The following CBFA2T3 variants were observed in gnomAD, a reference collection of about 807,000 sequenced individuals.
The protein encoded by CBFA2T3 is CBFA2/RUNX1 partner transcriptional co-repressor 3.
A neutral mutation model predicts 58.6 loss-of-function variants in CBFA2T3; 31 were observed. That is an observed-to-expected ratio of 0.53 (90% CI 0.40 to 0.71). The LOEUF is 0.71. Among genes scored for constraint, CBFA2T3 ranks in the 30% least tolerant of loss-of-function variants. The pLI is 0.00. For synonymous variants in CBFA2T3, 531 were observed against 421.9 expected (o/e 1.26, Z -3.17); for missense variants, 1,076 against 963.1 (o/e 1.12, Z -1.55).
rs148279575 is a variant in CBFA2T3 at position 88,901,550 on chromosome 16, G to T, written c.258C>A (p.Ala86=). Residue 86 remains alanine, a synonymous_variant, in exon 2 of 12, where the codon GCC becomes GCA. Coordinates refer to ENST00000268679, the MANE Select transcript of CBFA2T3 (RefSeq NM_005187.6). The part of the protein sequence containing the change: ...TPPSMPPPPP[A]ASQGATRPPS... ...GGGGGCGTGTGGCCCCCTGGGATGCGGCAGGCGGTGGGGGCGGCATGCTGG... is the reference window on the plus strand; with the variant it reads ...GGGGGCGTGTGGCCCCCTGGGATGCTGCAGGCGGTGGGGGCGGCATGCTGG... 2.0e-6 allele frequency: 3 copies of T among 1,472,828 alleles called. No homozygotes were observed. The South Asian group carries it at 4.2e-5, about 21-fold the overall frequency. The allele number at this position is 1,472,828 out of a possible 1,614,324, so 91.2% of individuals were successfully genotyped here. A position where few individuals can be genotyped will look rare whatever the true frequency, so the allele number is the denominator to read the frequency against.
chr16:88,912,802 G>A (rs1236797964), intron 1 of CBFA2T3, among the ~76,000 whole-genome samples: 1 of 152,210 alleles, frequency 6.6e-6, no homozygotes, highest in African/African-American at 2.4e-5. Context: ...ACAGAGCCTG[G>A]GCTGGGCTTG....
Position 88,876,937 on chromosome 16 carries a change from G to C in CBFA2T3, c.*39C>G. 2 of 1,368,558 alleles carry C rather than the reference G, an allele frequency of 1.5e-6. No homozygotes were observed. The highest frequency in any genetic ancestry group is 1.9e-6 in the Non-Finnish European group (2 of 1,056,022). 84.8% of individuals were successfully genotyped at this position (1,368,558 alleles called of 1,614,324 possible). ...GGTGGGCCTGGAGCTGGGTGGGGTT[G>C]GCACGGTGCTGTGTCCGGCAGGCCA... On this transcript the variant is annotated 3_prime_UTR_variant, in exon 12 of 12. Coordinates refer to ENST00000268679, the MANE Select transcript of CBFA2T3 (RefSeq NM_005187.6).
chr16:88,890,082 C>T (rs1969565918), intron 5 of CBFA2T3, among the ~76,000 whole-genome samples: 1 of 150,230 alleles, frequency 6.7e-6, no homozygotes, highest in Admixed American at 6.6e-5. Flanking sequence ...CCCCGCGATT[C>T]CTCCTCCTCC....
intron 1 of CBFA2T3, chr16:88,937,717 C>T (rs140262546): frequency 1.3e-5 from 2 of 152,408 alleles, no homozygotes; most frequent in South Asian, 4.1e-4. Context: ...GGGTGCCTCT[C>T]ACTGCATGTG....
rs1345187935 is a variant in CBFA2T3, at chr16:88,881,604, CCCG to C, written c.1204-118_1204-116del. 5 of 1,061,356 alleles carry C rather than the reference CCCG, an allele frequency of 4.7e-6. No homozygotes were observed. In the African/African-American group the frequency reaches 7.9e-5, roughly 17 times the overall value. 65.7% of individuals were successfully genotyped at this position (1,061,356 alleles called of 1,614,324 possible). On this transcript the variant is annotated intron_variant, in intron 8 of 11. Transcript: ENST00000268679. ...GGATGGGTGCCCGACCAGCCCACCG[CCCG>C]TGAGAGTAAGGGGGTGAGGGAGGGC...
Position 88,892,494 on chromosome 16 carries a change from G to A in CBFA2T3, c.380-9C>T, listed in dbSNP as rs201277522. On this transcript the variant is annotated splice_polypyrimidine_tract_variant and intron_variant, in intron 3 of 11. Transcript: ENST00000268679. ...GCTGCTGCCGTTCATCACTGCAGGAGGGAAGCGGACATGAGGACACAAAGG... is the reference window on the plus strand; with the variant it reads ...GCTGCTGCCGTTCATCACTGCAGGAAGGAAGCGGACATGAGGACACAAAGG... The A allele has an allele frequency of 1.4e-4, 231 of 1,611,108 alleles. No homozygotes were observed. Among genetic ancestry groups the A allele is most frequent in the Middle Eastern group, 6.6e-4 (4 of 6,062 alleles).
At chr16:88,924,273 C>T (rs770817954) in intron 1 of CBFA2T3, among the ~76,000 whole-genome samples, 4 of 152,236 alleles carry the variant, frequency 2.6e-5, no homozygotes, top group African/African-American at 4.8e-5. Context: ...GGAGCTGCAA[C>T]GGCTGTGCTG....
At chr16:88,886,189 G>C in intron 5 of CBFA2T3, 47 bp from the exon 6 acceptor site, 1 of 1,386,130 alleles carries the variant, frequency 7.2e-7, no homozygotes, top group Non-Finnish European at 9.5e-7. Flanking sequence ...GGGGTGCACA[G>C]CCCTGCTCAG....
chr16:88,935,714 G>A (rs951198977), intron 1 of CBFA2T3, among the ~76,000 whole-genome samples: 1 of 152,202 alleles, frequency 6.6e-6, no homozygotes, highest in Non-Finnish European at 1.5e-5. Context: ...AGAGAAGGGG[G>A]CCTGGGTGCA....
At chr16:88,951,392 C>A (rs145054118) in intron 1 of CBFA2T3, 1 of 451,850 alleles carries the variant, frequency 2.2e-6, no homozygotes, top group Non-Finnish European at 4.5e-6. Flanking sequence ...TCATACAATT[C>A]TTTGAGAGGT....
At chr16:88,946,365 A>G (rs185580794) in intron 1 of CBFA2T3, among the ~76,000 whole-genome samples, 24 of 152,344 alleles carry the variant, frequency 1.6e-4, no homozygotes, top group Admixed American at 1.1e-3. Flanking sequence ...AAAAGGCTAT[A>G]TACTGTCTGA....
intron 1 of CBFA2T3, among the ~76,000 whole-genome samples, chr16:88,934,726 G>A (rs973160673): frequency 5.3e-5 from 8 of 152,198 alleles, no homozygotes; most frequent in African/African-American, 1.2e-4. Flanking sequence ...TTCCACCCCC[G>A]AAGTTCAGAA....
In CBFA2T3 at chr16:88,892,202, A is replaced by G. The variant is rs1333742636; in HGVS notation, c.621+42T>C. The G allele has an allele frequency of 3.2e-6, 5 of 1,584,726 alleles. 1 individual carries two copies. In the East Asian group the frequency reaches 1.1e-4, roughly 36 times the overall value. On this transcript the variant is annotated intron_variant, in intron 4 of 11. Transcript: ENST00000268679. ...GCTGCAACCTCATTAAACGGAGGGA[A>G]TATGCATGTCCCAAGGCCCCGGCTG...
At chr16:88,898,969 G>A (rs947505824) in intron 2 of CBFA2T3, among the ~76,000 whole-genome samples, 15 of 152,198 alleles carry the variant, frequency 9.9e-5, no homozygotes, top group African/African-American at 3.1e-4. Context: ...TGTCATGGGG[G>A]TAATCAAGGG....
chr16:88,926,869 G>A (rs1971100663), intron 1 of CBFA2T3, among the ~76,000 whole-genome samples: 1 of 152,204 alleles, frequency 6.6e-6, no homozygotes, highest in South Asian at 2.1e-4. Context: ...ACCTCACAGC[G>A]AGGTCCTTGC....
At chr16:88,956,300 G>A (rs1318027714) in intron 1 of CBFA2T3, among the ~76,000 whole-genome samples, 4 of 152,266 alleles carry the variant, frequency 2.6e-5, no homozygotes, top group Non-Finnish European at 5.9e-5. Flanking sequence ...CCACGCACAC[G>A]GAGCTCATGG....
Position 88,898,297 on chromosome 16 carries a change from C to T in CBFA2T3, c.305-145G>A, listed in dbSNP as rs554466767. The T allele has an allele frequency of 1.9e-4, 119 of 635,364 alleles. No homozygotes were observed. The African/African-American group carries it at 2.0e-3, about 11-fold the overall frequency. The allele number at this position is 635,364 out of a possible 1,614,324, so 39.4% of individuals were successfully genotyped here. A position where few individuals can be genotyped will look rare whatever the true frequency, so the allele number is the denominator to read the frequency against. On this transcript the variant is annotated intron_variant, in intron 2 of 11. Transcript: ENST00000268679. Reference sequence around the variant, plus strand: ...GCAGGAGACTGCCCTCAGGGGCACCCGGGCCGCCTTTTCTTGCTTCTCAGA... The same window carrying T: ...GCAGGAGACTGCCCTCAGGGGCACCTGGGCCGCCTTTTCTTGCTTCTCAGA...
intron 1 of CBFA2T3, among the ~76,000 whole-genome samples, chr16:88,945,556 T>C (rs1001027931): frequency 1.3e-5 from 2 of 152,088 alleles, no homozygotes. Context: ...ATCTGGCAAA[T>C]AAGCACAGGA....
chr16:88,976,311 T>C (rs996047706), intron 1 of CBFA2T3, among the ~76,000 whole-genome samples: 11 of 152,056 alleles, frequency 7.2e-5, no homozygotes, highest in Non-Finnish European at 1.0e-4. Context: ...GGGCTCTCTT[T>C]CTAGGACCCC....
Sources: allele counts gnomAD v4.1 joint callset (sites outside exome capture counted in the v4.1 genomes callset), GRCh38; gene constraint gnomAD v4.1.1; transcripts MANE v1.5; gene names NCBI Gene and HGNC (gene_info 2026-07-23, HGNC 2026-07-21).